The following APPL1 variants were observed in gnomAD, a reference collection of about 807,000 sequenced individuals.
The protein encoded by APPL1 is adaptor protein, phosphotyrosine interacting with PH domain and leucine zipper 1.
A neutral mutation model predicts 106.8 loss-of-function variants in APPL1; 42 were observed. That is an observed-to-expected ratio of 0.39 (90% CI 0.31 to 0.51). APPL1 has a LOEUF of 0.51. Ranked by LOEUF, APPL1 falls within the 20% of genes least tolerant of loss-of-function variation. The probability of loss-of-function intolerance (pLI) is 0.75; values close to 1 mark genes in which losing one functional copy is unlikely to be tolerated. For missense variants in APPL1, 769 were observed against 858.2 expected (o/e 0.90, Z 1.30); for synonymous variants, 263 against 281.8 (o/e 0.93, Z 0.67).
intron 6 of APPL1, 91 bp downstream of exon 6, chr3:57,242,233 A>T: frequency 1.0e-6 from 1 of 983,060 alleles, no homozygotes; most frequent in Non-Finnish European, 1.5e-6. Context: ...AATAATTGAA[A>T]AAAAACCAAT....
chr3:57,258,673 A>G (rs954342331), intron 15 of APPL1: 11 of 177,524 alleles, frequency 6.2e-5, no homozygotes, highest in Non-Finnish European at 1.3e-4. Context: ...ATTCCAGGAC[A>G]TTCTTGGCAT....
chr3:57,259,105 A>G, intron 16 of APPL1, 25 bp downstream of exon 16: 2 of 1,585,848 alleles, frequency 1.3e-6, no homozygotes, highest in South Asian at 1.1e-5. Flanking sequence ...CAGCATTCAT[A>G]TATTTTAGAA....
At chr3:57,252,128 ACC>A in intron 11 of APPL1, 139 bp from the exon 12 acceptor site, 1 of 684,028 alleles carries the variant, frequency 1.5e-6, no homozygotes, top group Non-Finnish European at 2.5e-6. Context: ...TTCCTAAGAT[ACC>A]GTTGGTTGTG....
chr3:57,267,825 T>C, intron 20 of APPL1, 33 bp downstream of exon 20: 1 of 1,609,714 alleles, frequency 6.2e-7, no homozygotes, highest in South Asian at 1.1e-5. Context: ...GGCACAGTGG[T>C]TCACACCTGT....
rs1579410900 is a variant in APPL1 at position 57,270,397 on chromosome 3, G to C, written c.*710G>C. 6.6e-6 allele frequency: 1 copy of C among 152,474 alleles called. No homozygotes were observed. 9.4% of individuals were successfully genotyped at this position (152,474 alleles called of 1,614,324 possible). ...TATCACATTCTTAGTTCTCAGGTTG[G>C]GACTTCAATTACTGCTGCAGAGCAG... On this transcript the variant is annotated 3_prime_UTR_variant, in exon 22 of 22. Transcript: ENST00000288266.
At chr3:57,266,361 T>G (rs2060894345) in intron 19 of APPL1, among the ~76,000 whole-genome samples, 1 of 152,208 alleles carries the variant, frequency 6.6e-6, no homozygotes, top group Non-Finnish European at 1.5e-5. Flanking sequence ...TATTATGGTT[T>G]GGATCTTGTT....
intron 15 of APPL1, among the ~76,000 whole-genome samples, 158 bp downstream of exon 15, chr3:57,257,586 G>GT (rs1332120058): frequency 1.3e-5 from 2 of 152,210 alleles, no homozygotes; most frequent in Non-Finnish European, 2.9e-5. Flanking sequence ...AACCATGCAG[G>GT]TTTTTTTCTC....
chr3:57,235,422 T>C (rs1404092790), intron 1 of APPL1, 144 bp from the exon 2 acceptor site: 1 of 469,878 alleles, frequency 2.1e-6, no homozygotes, highest in Non-Finnish European at 3.8e-6. Flanking sequence ...TTCTTAACAT[T>C]ACTATCAAAA....
At chr3:57,259,163 C>A in intron 16 of APPL1, 83 bp downstream of exon 16, 1 of 1,182,434 alleles carries the variant, frequency 8.5e-7, no homozygotes, top group Non-Finnish European at 1.2e-6. Context: ...ATTTGCTCTG[C>A]TACTAAGCTC....
chr3:57,264,582 TA>T (rs373132720), intron 19 of APPL1, among the ~76,000 whole-genome samples: 12,565 of 150,022 alleles, frequency 0.084, 1,747 homozygotes, highest in African/African-American at 0.29. Context: ...ATAAAAAAAA[TA>T]AAAAAAAATT....
intron 20 of APPL1, 136 bp downstream of exon 20, chr3:57,267,928 C>T (rs2060905078): frequency 1.2e-6 from 1 of 869,194 alleles, no homozygotes; most frequent in Middle Eastern, 3.2e-4. Flanking sequence ...CCCATTTCTA[C>T]TAAAAATACA....
intron 18 of APPL1, 105 bp downstream of exon 18, chr3:57,260,258 C>G: frequency 8.0e-7 from 1 of 1,257,142 alleles, no homozygotes. Flanking sequence ...GTGATAGTAT[C>G]AGCTATGATT....
chr3:57,258,969 T>C, intron 15 of APPL1, 59 bp from the exon 16 acceptor site: 1 of 1,280,076 alleles, frequency 7.8e-7, no homozygotes, highest in Non-Finnish European at 1.1e-6. Flanking sequence ...TAATTAGATT[T>C]CTTCTATGTG....
At chr3:57,242,983 T>TTTTGATAGAGG in intron 7 of APPL1, 69 bp downstream of exon 7, 1 of 1,128,080 alleles carries the variant, frequency 8.9e-7, no homozygotes, top group Non-Finnish European at 1.3e-6. Flanking sequence ...TTTTCCTCTA[T>TTTTGATAGAGG]CAAAATAGAG....
Sources: gnomAD v4.1 joint callset for allele counts (sites outside exome capture counted in the v4.1 genomes callset) on GRCh38, gnomAD v4.1.1 for gene constraint, MANE v1.5 for transcripts, NCBI Gene and HGNC (gene_info 2026-07-23, HGNC 2026-07-21) for gene names.